Variants in BRCC3 observed in about 807,000 individuals in gnomAD.
The protein encoded by BRCC3 is lys-63-specific deubiquitinase BRCC36.
Under a neutral mutation model 28.0 loss-of-function variants are expected in BRCC3, and 15 were observed. The ratio of observed to expected loss-of-function variants is 0.54; its 90% CI spans 0.36 to 0.82. The LOEUF (loss-of-function observed/expected upper bound fraction) is 0.82. Ranked by LOEUF, BRCC3 falls within the 40% of genes least tolerant of loss-of-function variation. The pLI is 0.01. For synonymous variants in BRCC3, 66 were observed against 80.3 expected, an observed-to-expected ratio of 0.82 and a Z score of 0.95; for missense variants, 109 against 225.9, an observed-to-expected ratio of 0.48 and a Z score of 3.32.
rs782202712 is a variant in BRCC3, at chrX:155,073,338, C to T, written c.141-39C>T. ...CTTTAATTCCTTTTTATATTCCAAA[C>T]CCCACTTCCTTTTTTTTTTTCTAAT... On this transcript the variant is annotated intron_variant, in intron 2 of 10. Transcript: ENST00000330045. 4 of 1,145,745 alleles carry T rather than the reference C, an allele frequency of 3.5e-6. No individual in the cohort carries two copies. The South Asian group carries it at 6.0e-5, about 17-fold the overall frequency. The allele number at this position is 1,145,745 out of a possible 1,213,427, so 94.4% of individuals were successfully genotyped here.
chrX:155,075,232 CCT>C (rs2074022215), intron 3 of BRCC3, among the ~76,000 whole-genome samples: 1 of 55,386 alleles, frequency 1.8e-5, no homozygotes, highest in Admixed American at 1.9e-4. Context: ...GTTTCAAAAG[CCT>C]TCTCTCAGAT....
intron 3 of BRCC3, among the ~76,000 whole-genome samples, chrX:155,074,879 AGT>A (rs1165820696): frequency 8.9e-6 from 1 of 112,083 alleles, no homozygotes; most frequent in Non-Finnish European, 1.9e-5. Context: ...TAAAAAATCC[AGT>A]GTGATAATCT....
chrX:155,085,589 G>T (rs2074117876), intron 5 of BRCC3, among the ~76,000 whole-genome samples: 1 of 112,527 alleles, frequency 8.9e-6, no homozygotes, highest in African/African-American at 3.2e-5. Context: ...AAACAGATAA[G>T]CGACCTCCAA....
At position 155,116,207 on chromosome X, in the gene BRCC3, CCTCTT is replaced by C. The variant is rs1398373391; in HGVS notation, c.680+24_680+28del. 3.4e-6 allele frequency: 4 copies of C among 1,163,789 alleles called. No individual in the cohort carries two copies. The African/African-American group carries it at 5.3e-5, about 15-fold the overall frequency. ...TCCACAGGTAGAGACCCTCTTCACT[CCTCTT>C]CTCTACTTCTCAGGACCTAGTCTCT... On this transcript the variant is annotated intron_variant, in intron 8 of 10. Transcript: ENST00000330045.
At chrX:155,106,239 G>A (rs1557297535) in intron 7 of BRCC3, among the ~76,000 whole-genome samples, 1 of 111,231 alleles carries the variant, frequency 9.0e-6, no homozygotes, top group African/African-American at 3.3e-5. Context: ...TTATTCTTAA[G>A]CATTTAACTT....
chrX:155,075,646 A>G (rs2074034113), intron 3 of BRCC3, among the ~76,000 whole-genome samples: 1 of 112,037 alleles, frequency 8.9e-6, no homozygotes, highest in Admixed American at 9.5e-5. Context: ...AAGCTACCAA[A>G]TCTTGTAGAT....
At chrX:155,110,448 TATCCTA>T (rs1557298006) in intron 7 of BRCC3, among the ~76,000 whole-genome samples, 7 of 111,544 alleles carry the variant, frequency 6.3e-5, no homozygotes, top group Non-Finnish European at 1.3e-4. Context: ...TCTAGGAATT[TATCCTA>T]GAACTTTAGT....
intron 1 of BRCC3, 74 bp from the exon 2 acceptor site, chrX:155,072,253 C>T: frequency 1.1e-6 from 1 of 881,656 alleles, no homozygotes; most frequent in Non-Finnish European, 1.7e-6. Flanking sequence ...ACCTAATTGT[C>T]ATATAATCTG....
intron 8 of BRCC3, 139 bp from the exon 9 acceptor site, chrX:155,116,572 C>A: frequency 2.4e-6 from 1 of 414,434 alleles, no homozygotes; most frequent in Admixed American, 4.5e-5. Context: ...ATCACATCCC[C>A]CAAATCATCA....
intron 7 of BRCC3, among the ~76,000 whole-genome samples, chrX:155,098,861 T>C (rs2074227933): frequency 8.9e-6 from 1 of 112,632 alleles, no homozygotes; most frequent in African/African-American, 3.2e-5. Context: ...ATTATTGATA[T>C]CTGAGAGAGA....
chrX:155,072,068 A>G (rs2073988288), intron 1 of BRCC3, among the ~76,000 whole-genome samples: 1 of 112,140 alleles, frequency 8.9e-6, no homozygotes, highest in African/African-American at 3.2e-5. Context: ...AGAGATATCA[A>G]CCAAAGCATT....
chrX:155,081,306 A>G (rs2074083501), intron 5 of BRCC3, among the ~76,000 whole-genome samples: 1 of 105,118 alleles, frequency 9.5e-6, no homozygotes, highest in Non-Finnish European at 2.0e-5. Flanking sequence ...CACTCCAGCC[A>G]GGGTGACAGA....
At position 155,086,547 on chromosome X, in the gene BRCC3, G is replaced by C. The variant is rs2074131075; in HGVS notation, c.404-2716G>C. Among the ~76,000 whole-genome samples the C allele has an allele frequency of 2.7e-5, 3 of 109,674 alleles. No individual in the cohort carries two copies. In the East Asian group the frequency reaches 8.7e-4, roughly 32 times the overall value. On this transcript the variant is annotated intron_variant, in intron 5 of 10. Transcript: ENST00000330045. ...TTTTTTTTTGCATTTTGAGTAGAGA[G>C]GGAGTTTCACCACATTGGCCAGGCT...
chrX:155,103,046 A>G (rs2074256886), intron 7 of BRCC3, among the ~76,000 whole-genome samples: 1 of 111,848 alleles, frequency 8.9e-6, no homozygotes, highest in African/African-American at 3.3e-5. Context: ...ACTAGTTTAT[A>G]GTATACATCT....
chrX:155,075,735 T>C (rs2074035017), intron 3 of BRCC3, among the ~76,000 whole-genome samples: 1 of 112,530 alleles, frequency 8.9e-6, no homozygotes, highest in East Asian at 2.8e-4. Context: ...TGTTACTTCA[T>C]GTACAGTTTA....
chrX:155,115,190 A>G (rs978990452), intron 7 of BRCC3, among the ~76,000 whole-genome samples: 2 of 112,414 alleles, frequency 1.8e-5, no homozygotes, highest in South Asian at 3.7e-4. Context: ...AAGAAATATT[A>G]AAAGTTCTTC....
intron 3 of BRCC3, among the ~76,000 whole-genome samples, chrX:155,076,558 G>A (rs368380970): frequency 1.8e-5 from 2 of 111,055 alleles, no homozygotes; most frequent in East Asian, 2.8e-4. Context: ...TGGTAGGAGA[G>A]AGAGAGAGTG....
At chrX:155,080,830 A>G (rs2074079578) in intron 5 of BRCC3, among the ~76,000 whole-genome samples, 2 of 112,334 alleles carry the variant, frequency 1.8e-5, no homozygotes, top group South Asian at 3.7e-4. Context: ...TATGAAAATC[A>G]TGTATACAAC....
At chrX:155,108,337 A>T (rs2074297742) in intron 7 of BRCC3, among the ~76,000 whole-genome samples, 1 of 112,063 alleles carries the variant, frequency 8.9e-6, no homozygotes, top group Non-Finnish European at 1.9e-5. Context: ...ATTGTTAGGC[A>T]TTTGGGTTGT....
Sources: gnomAD v4.1 joint callset for allele counts (sites outside exome capture counted in the v4.1 genomes callset) on GRCh38, gnomAD v4.1.1 for gene constraint, MANE v1.5 for transcripts, NCBI Gene and HGNC (gene_info 2026-07-23, HGNC 2026-07-21) for gene names.